Variants in MAF observed in about 807,000 individuals in gnomAD.
MAF encodes MAF bZIP transcription factor.
Under a neutral mutation model 22.0 loss-of-function variants are expected in MAF, and 10 were observed. The ratio of observed to expected loss-of-function variants is 0.45; its 90% confidence interval spans 0.28 to 0.77. The LOEUF is 0.77. MAF is among the 30% of genes least tolerant of loss of function. The pLI, the probability that MAF is intolerant of heterozygous loss-of-function variation, is 0.12. For missense variants in MAF, 544 were observed against 548.4 expected (o/e 0.99, Z 0.08); for synonymous variants, 337 against 255.8 (o/e 1.32, Z -3.03).
the MAF span, among the ~76,000 whole-genome samples, chr16:79,336,645 A>T: frequency 6.6e-6 from 1 of 152,244 alleles, no homozygotes; most frequent in South Asian, 2.1e-4. Flanking sequence ...CAACACAGGA[A>T]GGTTAAATAA....
chr16:79,246,068 G>A, the MAF span, among the ~76,000 whole-genome samples: 1 of 152,116 alleles, frequency 6.6e-6, no homozygotes, highest in Non-Finnish European at 1.5e-5. Context: ...GGGGTGAGGG[G>A]TTAGCGGAGG....
chr16:79,452,359 C>T, the MAF span, among the ~76,000 whole-genome samples: 1 of 152,050 alleles, frequency 6.6e-6, no homozygotes, highest in East Asian at 1.9e-4. Flanking sequence ...TATTTTGTGC[C>T]TTAACTACAT....
At chr16:79,387,946 T>A in the MAF span, among the ~76,000 whole-genome samples, 1 of 152,192 alleles carries the variant, frequency 6.6e-6, no homozygotes, top group East Asian at 1.9e-4. Flanking sequence ...CATAGTAGGT[T>A]GTGAATAAAT....
At chr16:79,550,532 C>G in the MAF span, among the ~76,000 whole-genome samples, 20 of 152,322 alleles carry the variant, frequency 1.3e-4, no homozygotes, top group East Asian at 3.9e-3. Context: ...GACAGATGCT[C>G]TTCAGACTAC....
At chr16:79,454,421 T>C in the MAF span, among the ~76,000 whole-genome samples, 2 of 152,176 alleles carry the variant, frequency 1.3e-5, no homozygotes, top group Non-Finnish European at 2.9e-5. Flanking sequence ...GGTTTACCAA[T>C]ATTGGTCTTG....
At chr16:79,573,760 G>A in the MAF span, among the ~76,000 whole-genome samples, 1 of 152,204 alleles carries the variant, frequency 6.6e-6, no homozygotes, top group African/African-American at 2.4e-5. Context: ...AATAGCACTA[G>A]TGCAGACTAC....
the MAF span, among the ~76,000 whole-genome samples, chr16:79,535,715 AGC>A: frequency 6.7e-6 from 1 of 150,034 alleles, no homozygotes; most frequent in Non-Finnish European, 1.5e-5. Flanking sequence ...AGGAGTCCTC[AGC>A]CTCCTGAGTA....
At chr16:79,544,122 G>C in the MAF span, among the ~76,000 whole-genome samples, 1 of 151,996 alleles carries the variant, frequency 6.6e-6, no homozygotes, top group East Asian at 1.9e-4. Flanking sequence ...GTATGATATG[G>C]TCAACCGTGG....
At chr16:79,525,418 TCAAA>T in the MAF span, among the ~76,000 whole-genome samples, 5 of 152,168 alleles carry the variant, frequency 3.3e-5, no homozygotes, top group Non-Finnish European at 7.3e-5. Context: ...TTCTAGAGGA[TCAAA>T]CAAAGACATA....
At chr16:79,459,648 T>C in the MAF span, among the ~76,000 whole-genome samples, 4 of 151,952 alleles carry the variant, frequency 2.6e-5, no homozygotes, top group Admixed American at 6.6e-5. Flanking sequence ...TCATGGCTCA[T>C]TGCAGCCTCG....
chr16:79,492,503 C>T, the MAF span, among the ~76,000 whole-genome samples: 23 of 151,674 alleles, frequency 1.5e-4, no homozygotes, highest in South Asian at 4.0e-3. Flanking sequence ...ATGCTTTTGA[C>T]TCAGCAATCC....
the MAF span, among the ~76,000 whole-genome samples, chr16:79,246,540 T>TGC: frequency 9.9e-6 from 1 of 101,372 alleles, no homozygotes; most frequent in African/African-American, 3.5e-5. Flanking sequence ...AGGTTTTTTT[T>TGC]GGGGGGGGTG....
At chr16:79,414,866 A>G in the MAF span, among the ~76,000 whole-genome samples, 110 of 152,338 alleles carry the variant, frequency 7.2e-4, no homozygotes, top group African/African-American at 2.6e-3. Flanking sequence ...CCTCCACGAC[A>G]CTAGTTCATG....
chr16:79,447,112 G>C, the MAF span, among the ~76,000 whole-genome samples: 1 of 152,104 alleles, frequency 6.6e-6, no homozygotes, highest in Non-Finnish European at 1.5e-5. Flanking sequence ...GTGACAACAT[G>C]GGTGTCTTTG....
At chr16:79,481,366 T>C in the MAF span, among the ~76,000 whole-genome samples, 2 of 152,108 alleles carry the variant, frequency 1.3e-5, no homozygotes, top group African/African-American at 4.8e-5. Context: ...ACTCTAAATT[T>C]AGAACATTTT....
the MAF span, among the ~76,000 whole-genome samples, chr16:79,371,164 G>A: frequency 4.6e-5 from 7 of 151,990 alleles, no homozygotes; most frequent in Non-Finnish European, 1.0e-4. Flanking sequence ...GGGAGTGCCT[G>A]GAGGGCTGGG....
At chr16:79,409,826 G>A in the MAF span, among the ~76,000 whole-genome samples, 1 of 152,290 alleles carries the variant, frequency 6.6e-6, no homozygotes, top group Non-Finnish European at 1.5e-5. Flanking sequence ...GAAAATGTTC[G>A]ATATCTGCAC....
the MAF span, among the ~76,000 whole-genome samples, chr16:79,403,639 C>T: frequency 1.3e-5 from 2 of 152,220 alleles, no homozygotes; most frequent in Non-Finnish European, 2.9e-5. Context: ...TTGAGTTCCT[C>T]TTCACCTCTG....
chr16:79,554,473 C>T, the MAF span, among the ~76,000 whole-genome samples: 88 of 152,228 alleles, frequency 5.8e-4, no homozygotes, highest in South Asian at 2.7e-3. Flanking sequence ...AAGCTGCAAA[C>T]GGACAGTACT....
Sources: allele counts gnomAD v4.1 joint callset (sites outside exome capture counted in the v4.1 genomes callset), GRCh38; gene constraint gnomAD v4.1.1; transcripts MANE v1.5; gene names NCBI Gene and HGNC (gene_info 2026-07-23, HGNC 2026-07-21).